Variants in SLCO1B3 observed in about 807,000 individuals in gnomAD.
The protein encoded by SLCO1B3 is solute carrier organic anion transporter family member 1B3.
In SLCO1B3, 72 loss-of-function variants were observed where a neutral mutation model predicts 71.8. That is an observed-to-expected ratio of 1.00 (90% confidence interval 0.83 to 1.22). SLCO1B3 has a LOEUF of 1.22. Among genes scored for constraint, SLCO1B3 ranks in the 50% most tolerant of loss-of-function variants. SLCO1B3 has a pLI of 0.00. For missense variants in SLCO1B3, 911 were observed against 819.7 expected, an observed-to-expected ratio of 1.11 and a Z score of -1.36; for synonymous variants, 298 against 278.4, an observed-to-expected ratio of 1.07 and a Z score of -0.70.
chr12:20,885,553 A>T (rs1316064985), intron 13 of SLCO1B3, among the ~76,000 whole-genome samples: 1 of 152,062 alleles, frequency 6.6e-6, no homozygotes, highest in Non-Finnish European at 1.5e-5. Flanking sequence ...AAAAGTGGGG[A>T]TAGGTAAGAG....
At chr12:20,915,389 C>A (rs1866471344) in intron 15 of SLCO1B3, among the ~76,000 whole-genome samples, 1 of 152,090 alleles carries the variant, frequency 6.6e-6, no homozygotes, top group Non-Finnish European at 1.5e-5. Context: ...TCTACATTAT[C>A]CATTAGACCA....
At chr12:20,813,908 A>G (rs1443269991) in intron 2 of SLCO1B3, among the ~76,000 whole-genome samples, 3 of 152,208 alleles carry the variant, frequency 2.0e-5, no homozygotes, top group Non-Finnish European at 4.4e-5. Context: ...GTGAGAATCA[A>G]TTGTACATAT....
intron 13 of SLCO1B3, among the ~76,000 whole-genome samples, chr12:20,888,559 A>G (rs534741676): frequency 2.6e-4 from 39 of 152,162 alleles, no homozygotes; most frequent in African/African-American, 9.4e-4. Context: ...ACTTTACTGA[A>G]GTAGTTTATC....
At chr12:20,820,071 A>G (rs1864264762) in intron 3 of SLCO1B3, among the ~76,000 whole-genome samples, 1 of 152,086 alleles carries the variant, frequency 6.6e-6, no homozygotes, top group Middle Eastern at 3.2e-3. Context: ...GGGAGTTTTA[A>G]GAGGTTTAGA....
At chr12:20,883,625 T>C in intron 13 of SLCO1B3, 23 bp downstream of exon 13, 1 of 1,501,680 alleles carries the variant, frequency 6.7e-7, no homozygotes, top group Non-Finnish European at 9.0e-7. Flanking sequence ...CTGTAAAACA[T>C]TGTCATGTAT....
intron 15 of SLCO1B3, among the ~76,000 whole-genome samples, chr12:20,913,603 T>C (rs899194261): frequency 6.6e-6 from 1 of 152,214 alleles, no homozygotes; most frequent in Non-Finnish European, 1.5e-5. Flanking sequence ...AATTAAAAAA[T>C]TAAAATAGGT....
At chr12:20,845,975 C>CT (rs35873402) in intron 3 of SLCO1B3, among the ~76,000 whole-genome samples, 22 of 146,246 alleles carry the variant, frequency 1.5e-4, no homozygotes, top group East Asian at 4.0e-4. Context: ...TCTTCCTTGT[C>CT]TTTTTTTTTT....
chr12:20,867,870 G>T (rs1865403735), intron 8 of SLCO1B3, among the ~76,000 whole-genome samples: 1 of 152,072 alleles, frequency 6.6e-6, no homozygotes, highest in Non-Finnish European at 1.5e-5. Context: ...CACACTGTGT[G>T]TACCTGCCTT....
At position 20,848,669 on chromosome 12, in the gene SLCO1B3, C is replaced by T. The variant is rs534990875; in HGVS notation, c.85-6359C>T. ...TTTTAGTGATTAAAAAGAAATGGAACATCAAGTCATAAAAATACATGGAAA... is the reference window on the plus strand; with the variant it reads ...TTTTAGTGATTAAAAAGAAATGGAATATCAAGTCATAAAAATACATGGAAA... On this transcript the variant is annotated intron_variant, in intron 3 of 15. Transcript: ENST00000381545. Among the ~76,000 whole-genome samples the T allele has an allele frequency of 1.7e-4, 26 of 152,130 alleles. No individual in the cohort carries two copies. In the East Asian group the frequency reaches 5.0e-3, roughly 29 times the overall value.
At chr12:20,839,958 G>A (rs1361353282) in intron 3 of SLCO1B3, among the ~76,000 whole-genome samples, 3 of 152,094 alleles carry the variant, frequency 2.0e-5, no homozygotes. Flanking sequence ...CTTGTCAAAG[G>A]AATTACTTAT....
chr12:20,911,472 T>A (rs1347289352), intron 15 of SLCO1B3, among the ~76,000 whole-genome samples: 1 of 152,174 alleles, frequency 6.6e-6, no homozygotes, highest in African/African-American at 2.4e-5. Flanking sequence ...CAGGAAGTAT[T>A]CCTGCTGCTT....
chr12:20,891,953 A>T (rs1865912522), intron 13 of SLCO1B3, among the ~76,000 whole-genome samples: 1 of 151,648 alleles, frequency 6.6e-6, no homozygotes, highest in Admixed American at 6.6e-5. Flanking sequence ...GGTAATTTTT[A>T]ACTTTCTTTT....
At chr12:20,813,207 A>G (rs1422673487) in intron 1 of SLCO1B3, among the ~76,000 whole-genome samples, 4 of 152,204 alleles carry the variant, frequency 2.6e-5, no homozygotes, top group Non-Finnish European at 5.9e-5. Flanking sequence ...CATGATATAT[A>G]TTTATGGTTT....
chr12:20,914,280 C>A (rs1157733452), intron 15 of SLCO1B3, among the ~76,000 whole-genome samples: 1 of 151,824 alleles, frequency 6.6e-6, no homozygotes, highest in Admixed American at 6.6e-5. Context: ...ATTAGTTGTA[C>A]TTTTTAAATA....
intron 13 of SLCO1B3, among the ~76,000 whole-genome samples, chr12:20,887,810 C>T (rs1366908859): frequency 2.0e-5 from 3 of 151,602 alleles, no homozygotes; most frequent in African/African-American, 7.3e-5. Flanking sequence ...AGATCATTGT[C>T]CAGAAAAGTT....
intron 3 of SLCO1B3, among the ~76,000 whole-genome samples, chr12:20,850,930 T>A (rs1162873004): frequency 6.6e-6 from 1 of 152,212 alleles, no homozygotes; most frequent in Non-Finnish European, 1.5e-5. Flanking sequence ...CATCAAGGTA[T>A]AAGTGTTCCC....
In SLCO1B3 at chr12:20,875,470, T is replaced by G. The variant is rs766475606; in HGVS notation, c.963T>G (p.Asn321Lys). Residue 321 changes from asparagine (N) to lysine (K), a missense_variant, in exon 9 of 16, where the codon AAT (asparagine) becomes AAG (lysine). Coordinates refer to ENST00000381545, the MANE Select transcript of SLCO1B3 (RefSeq NM_019844.4). ...LTNQGKNVTKNVTGFFQSLKS... is the reference protein window; with the variant it reads ...LTNQGKNVTKKVTGFFQSLKS... ...ACCAAGGAAAAAATGTTACCAAAAA[T>G]GTGACTGGTAGGTATTTGACATTCA... 6.2e-7 allele frequency: 1 copy of G among 1,601,980 alleles called. No homozygotes were observed. Among genetic ancestry groups the G allele is most frequent in the Non-Finnish European group, 8.5e-7 (1 of 1,177,530 alleles).
intron 3 of SLCO1B3, among the ~76,000 whole-genome samples, chr12:20,824,498 T>C (rs1401473154): frequency 1.3e-5 from 2 of 152,178 alleles, no homozygotes; most frequent in South Asian, 2.1e-4. Context: ...ACAACAATTG[T>C]GAATGACAAA....
intron 13 of SLCO1B3, 145 bp downstream of exon 13, chr12:20,883,747 A>T (rs1865740540): frequency 7.1e-6 from 4 of 561,618 alleles, no homozygotes; most frequent in Admixed American, 8.2e-5. Flanking sequence ...AATTATTTTG[A>T]TATTTCAATA....
Sources: allele counts gnomAD v4.1 joint callset (sites outside exome capture counted in the v4.1 genomes callset), GRCh38; gene constraint gnomAD v4.1.1; transcripts MANE v1.5; gene names NCBI Gene and HGNC (gene_info 2026-07-23, HGNC 2026-07-21).